FAM78B: variants seen among roughly 807,000 people sequenced by gnomAD.
FAM78B encodes family with sequence similarity 78 member B.
Under a neutral mutation model 20.0 loss-of-function variants are expected in FAM78B, and 10 were observed. The observed-to-expected ratio is 0.50, with a 90% CI of 0.31 to 0.85. FAM78B has a LOEUF of 0.85. FAM78B is among the 40% of genes least tolerant of loss of function. The pLI, the probability that FAM78B is intolerant of heterozygous loss-of-function variation, is 0.05. For missense variants in FAM78B, 283 were observed against 345.0 expected (o/e 0.82, Z 1.42); for synonymous variants, 135 against 132.8 (o/e 1.02, Z -0.12).
chr1:166,104,925 G>A (rs1481793858), intron 1 of FAM78B, among the ~76,000 whole-genome samples: 2 of 152,146 alleles, frequency 1.3e-5, no homozygotes, highest in Admixed American at 1.3e-4. Context: ...GAACAAAGCT[G>A]GAGGCATCAT....
chr1:166,106,959 T>G (rs1024472697), intron 1 of FAM78B, among the ~76,000 whole-genome samples: 2 of 151,278 alleles, frequency 1.3e-5, no homozygotes, highest in African/African-American at 4.9e-5. Flanking sequence ...TGAAGAACAA[T>G]AATGACACAA....
downstream of FAM78B, among the ~76,000 whole-genome samples, chr1:166,067,625 T>C (rs531050339): frequency 2.6e-5 from 4 of 152,286 alleles, no homozygotes; most frequent in African/African-American, 9.6e-5. Flanking sequence ...TGAAAGATAA[T>C]GATCCACAAA....
intron 1 of FAM78B, among the ~76,000 whole-genome samples, chr1:166,093,452 C>T (rs1235971708): frequency 6.6e-6 from 1 of 152,160 alleles, no homozygotes; most frequent in African/African-American, 2.4e-5. Flanking sequence ...ATCCTTTTCT[C>T]CTGGGTCAAA....
At chr1:166,074,550 G>A (rs1652191807) in intron 1 of FAM78B, among the ~76,000 whole-genome samples, 1 of 152,150 alleles carries the variant, frequency 6.6e-6, no homozygotes, top group African/African-American at 2.4e-5. Context: ...TTTATTAAAA[G>A]AGTAAATACT....
intron 1 of FAM78B, among the ~76,000 whole-genome samples, chr1:166,125,544 C>T (rs894348549): frequency 4.6e-5 from 7 of 152,178 alleles, no homozygotes; most frequent in African/African-American, 1.4e-4. Flanking sequence ...TGAGTCCTTC[C>T]TATGGGTCAG....
chr1:166,070,127 C>T lies in FAM78B; in HGVS notation c.*114G>A. 2 of 1,401,422 alleles carry T rather than the reference C, an allele frequency of 1.4e-6. No individual in the cohort carries two copies. Among genetic ancestry groups the T allele is most frequent in the Non-Finnish European group, 1.9e-6 (2 of 1,072,280 alleles). 86.8% of individuals were successfully genotyped at this position (1,401,422 alleles called of 1,614,324 possible). A position where few individuals can be genotyped will look rare whatever the true frequency, so the allele number is the denominator to read the frequency against. The stretch of plus-strand genomic sequence containing the variant: ...CTTCAAAAGTGGCTGCAAAGGCTGG[C>T]AAACCGAGAGGTCTGCTTTGGCTCA... On this transcript the variant is annotated 3_prime_UTR_variant, in exon 2 of 2. Coordinates refer to ENST00000354422, the MANE Select transcript of FAM78B (RefSeq NM_001017961.5).
chr1:166,165,953 GTCCGC>G, intron 1 of FAM78B, 28 bp downstream of exon 1: 1 of 1,612,892 alleles, frequency 6.2e-7, no homozygotes, highest in South Asian at 1.1e-5. Flanking sequence ...GGGGCCCAGA[GTCCGC>G]TCCCGTGCCG....
At position 166,090,050 on chromosome 1, in the gene FAM78B, T is replaced by C. The variant is rs143854614; in HGVS notation, c.264-19287A>G. Among the ~76,000 whole-genome samples, 56 of 152,222 alleles carry C rather than the reference T, an allele frequency of 3.7e-4. No homozygotes were observed. In the East Asian group the frequency reaches 3.9e-3, roughly 11 times the overall value. ...CGAAAGCCAAACAGGAAGCCAATAA[T>C]TGCCTCTTGCAGAAATAGCTCTTTC... On this transcript the variant is annotated intron_variant, in intron 1 of 1. Coordinates refer to ENST00000354422, the MANE Select transcript of FAM78B (RefSeq NM_001017961.5).
intron 1 of FAM78B, among the ~76,000 whole-genome samples, chr1:166,128,780 A>G (rs1373472455): frequency 6.6e-6 from 1 of 152,240 alleles, no homozygotes; most frequent in Non-Finnish European, 1.5e-5. Context: ...ACCCACTGAC[A>G]CATGGAGCAT....
chr1:166,127,959 G>C (rs1221645752), intron 1 of FAM78B, among the ~76,000 whole-genome samples: 1 of 152,148 alleles, frequency 6.6e-6, no homozygotes, highest in East Asian at 1.9e-4. Context: ...ATAAAACATA[G>C]AGCCACCATG....
At chr1:166,147,601 G>A (rs1655510086) in intron 1 of FAM78B, among the ~76,000 whole-genome samples, 1 of 152,058 alleles carries the variant, frequency 6.6e-6, no homozygotes, top group Admixed American at 6.6e-5. Flanking sequence ...AAGCAAGCAG[G>A]ATTTGAACTC....
intron 1 of FAM78B, among the ~76,000 whole-genome samples, chr1:166,159,340 C>T (rs1656044130): frequency 6.6e-6 from 1 of 152,148 alleles, no homozygotes; most frequent in Admixed American, 6.5e-5. Flanking sequence ...ACCCAACCCC[C>T]TGAGACTCAG....
intron 1 of FAM78B, among the ~76,000 whole-genome samples, chr1:166,138,819 C>A (rs974187686): frequency 2.0e-5 from 3 of 152,228 alleles, no homozygotes; most frequent in Non-Finnish European, 2.9e-5. Flanking sequence ...ATTACTGCAT[C>A]ATTATTGCTT....
chr1:166,112,640 C>A (rs1654100465), intron 1 of FAM78B, among the ~76,000 whole-genome samples: 1 of 152,198 alleles, frequency 6.6e-6, no homozygotes, highest in African/African-American at 2.4e-5. Context: ...CTAGAATATG[C>A]TGGTGCTCCA....
intron 2 of FAM78B, among the ~76,000 whole-genome samples, chr1:166,061,521 TA>T (rs911652219): frequency 1.3e-5 from 2 of 152,052 alleles, no homozygotes; most frequent in Non-Finnish European, 2.9e-5. Flanking sequence ...AGGCAGATGG[TA>T]AAAAAAACTT....
At chr1:166,063,830 C>T (rs997772218) in intron 2 of FAM78B, among the ~76,000 whole-genome samples, 1 of 152,208 alleles carries the variant, frequency 6.6e-6, no homozygotes, top group Non-Finnish European at 1.5e-5. Flanking sequence ...TTTCCCTTCT[C>T]CCGGGCATTT....
chr1:166,086,855 T>A (rs1331359606), intron 1 of FAM78B, among the ~76,000 whole-genome samples: 1 of 152,026 alleles, frequency 6.6e-6, no homozygotes, highest in Non-Finnish European at 1.5e-5. Context: ...ACAGAGGAAT[T>A]CACATGGGTA....
chr1:166,157,036 A>AG (rs796777949), intron 1 of FAM78B, among the ~76,000 whole-genome samples: 17 of 944 alleles, frequency 0.018, no homozygotes, highest in African/African-American at 0.021. Flanking sequence ...GGGGCGGCGG[A>AG]GGGGGGGGGG....
intron 1 of FAM78B, among the ~76,000 whole-genome samples, chr1:166,119,773 G>A (rs895695005): frequency 6.6e-6 from 1 of 152,176 alleles, no homozygotes; most frequent in Non-Finnish European, 1.5e-5. Flanking sequence ...AATAAAGGAC[G>A]CGTGTCGTAA....
Sources: gnomAD v4.1 joint callset for allele counts (sites outside exome capture counted in the v4.1 genomes callset) on GRCh38, gnomAD v4.1.1 for gene constraint, MANE v1.5 for transcripts, NCBI Gene and HGNC (gene_info 2026-07-23, HGNC 2026-07-21) for gene names.